LVRN: variants seen among roughly 807,000 people sequenced by gnomAD.
The protein encoded by LVRN is aminopeptidase Q.
In LVRN, 99 loss-of-function variants were observed where a neutral mutation model predicts 111.4. That is an observed-to-expected ratio of 0.89 (90% CI 0.76 to 1.05). LVRN has a LOEUF of 1.05. LVRN is among the 50% of genes least tolerant of loss of function. The probability of loss-of-function intolerance (pLI) is 0.00; values close to 1 mark genes in which losing one functional copy is unlikely to be tolerated. For synonymous variants in LVRN, 488 were observed against 449.5 expected, an observed-to-expected ratio of 1.09 and a Z score of -1.08; for missense variants, 1,414 against 1,206.8, an observed-to-expected ratio of 1.17 and a Z score of -2.54.
chr5:116,021,903 C>T (rs1334266796), intron 18 of LVRN, among the ~76,000 whole-genome samples: 1 of 152,084 alleles, frequency 6.6e-6, no homozygotes. Flanking sequence ...GCTCAGCCTT[C>T]AGGGTCACCA....
At chr5:115,968,861 C>CAATT (rs1753259448) in intron 1 of LVRN, among the ~76,000 whole-genome samples, 1 of 152,136 alleles carries the variant, frequency 6.6e-6, no homozygotes, top group African/African-American at 2.4e-5. Context: ...CTGGGATATG[C>CAATT]AATTAAACAA....
chr5:116,011,645 T>C (rs1748491419), intron 14 of LVRN, among the ~76,000 whole-genome samples: 1 of 152,184 alleles, frequency 6.6e-6, no homozygotes. Flanking sequence ...GACTTTCTTT[T>C]TCCTAGTGGC....
chr5:115,998,741 G>A (rs1365684738), intron 6 of LVRN, among the ~76,000 whole-genome samples: 1 of 152,128 alleles, frequency 6.6e-6, no homozygotes, highest in East Asian at 1.9e-4. Flanking sequence ...CAAACCAACT[G>A]AATCAGAACA....
In LVRN at chr5:116,026,015, A is replaced by G; in HGVS notation, c.2870A>G (p.Gln957Arg). ...QFFSNMLEEH[Q>R]RIRVHANLQT... ...TTCAGTAACATGTTGGAGGAACACC[A>G]GAGGATCAGAGTTCATGCCAACTTA... is the stretch of plus-strand genomic sequence containing the variant. Residue 957 changes from glutamine (Q) to arginine (R), a missense_variant, in exon 20 of 20, where the codon CAG becomes CGG. Coordinates refer to ENST00000357872, the MANE Select transcript of LVRN (RefSeq NM_173800.5). The G allele has an allele frequency of 6.2e-7, 1 of 1,613,918 alleles. No individual in the cohort carries two copies. The highest frequency in any genetic ancestry group is 8.5e-7 in the Non-Finnish European group (1 of 1,179,870).
chr5:115,996,901 G>A (rs142123177), intron 6 of LVRN, among the ~76,000 whole-genome samples: 1 of 152,214 alleles, frequency 6.6e-6, no homozygotes, highest in African/African-American at 2.4e-5. Context: ...TTGTAAAATG[G>A]GTTCTTGCAG....
chr5:115,984,907 T>C (rs1747819251), intron 3 of LVRN, among the ~76,000 whole-genome samples, 198 bp downstream of exon 3: 1 of 152,202 alleles, frequency 6.6e-6, no homozygotes. Context: ...TGGATAGGTT[T>C]TCACGGAAAG....
At chr5:116,003,909 T>C (rs1336524132) in intron 12 of LVRN, among the ~76,000 whole-genome samples, 2 of 152,210 alleles carry the variant, frequency 1.3e-5, no homozygotes, top group African/African-American at 4.8e-5. Context: ...ACATTCATTT[T>C]GCTTTTCCAA....
rs1390788931 is a variant in LVRN, at chr5:115,999,841, A to C, written c.1454A>C (p.Lys485Thr). 3.7e-6 allele frequency: 6 copies of C among 1,613,620 alleles called. No homozygotes were observed. Among genetic ancestry groups the C allele is most frequent in the Non-Finnish European group, 5.1e-6 (6 of 1,179,820 alleles). The change falls in exon 7 of 20, where the codon AAG (lysine) becomes ACG (threonine). Residue 485 changes from lysine (K) to threonine (T), a missense_variant. Coordinates refer to ENST00000357872, the MANE Select transcript of LVRN (RefSeq NM_173800.5). ...CTGGTGACTAGAGCTGTGGCCATGA[A>C]GGTGGAAAATTTCAAAACAAGTGAA... ...HALVTRAVAM[K>T]VENFKTSEIQ... is the part of the protein sequence containing the mutation.
intron 1 of LVRN, among the ~76,000 whole-genome samples, chr5:115,978,892 G>T (rs866578276): frequency 6.6e-6 from 1 of 152,172 alleles, no homozygotes; most frequent in South Asian, 2.1e-4. Context: ...TCTCATTCTG[G>T]TCTTACAGAT....
intron 1 of LVRN, among the ~76,000 whole-genome samples, chr5:115,980,409 G>A (rs1043605240): frequency 6.6e-6 from 1 of 151,950 alleles, no homozygotes; most frequent in East Asian, 1.9e-4. Flanking sequence ...TGGTTTGTTT[G>A]CATAAAACTA....
At chr5:115,976,304 G>A (rs1205897748) in intron 1 of LVRN, 3 of 152,214 alleles carry the variant, frequency 2.0e-5, no homozygotes, top group Non-Finnish European at 4.4e-5. Flanking sequence ...GAGAGTAAGT[G>A]CATCTGACCA....
chr5:116,026,097 G>T lies in LVRN; in HGVS notation c.2952G>T (p.Ala984=). ...KNKKLSARIA[A]WLRRNT ...AGAAGCTAAGTGCCAGGATAGCTGC[G>T]TGGCTAAGGAGAAACACATAGCTTG... Residue 984 remains alanine, a synonymous_variant, in exon 20 of 20, where the codon GCG becomes GCT. Coordinates refer to ENST00000357872, the MANE Select transcript of LVRN (RefSeq NM_173800.5). 6.2e-7 allele frequency: 1 copy of T among 1,613,798 alleles called. No homozygotes were observed. Among genetic ancestry groups the T allele is most frequent in the Non-Finnish European group, 8.5e-7 (1 of 1,179,808 alleles).
chr5:115,971,957 GGT>G (rs201491949), intron 1 of LVRN, among the ~76,000 whole-genome samples: 1,446 of 54,226 alleles, frequency 0.027, 24 homozygotes, highest in African/African-American at 0.068. Flanking sequence ...CCATAAACAT[GGT>G]ATATATCTCT....
At chr5:115,980,650 C>A (rs1464051308) in intron 1 of LVRN, among the ~76,000 whole-genome samples, 1 of 152,094 alleles carries the variant, frequency 6.6e-6, no homozygotes. Context: ...ACCTTGCAGT[C>A]TCTTTGAGAT....
chr5:116,009,711 G>A (rs527412631), intron 13 of LVRN, among the ~76,000 whole-genome samples: 1 of 152,318 alleles, frequency 6.6e-6, no homozygotes, highest in Non-Finnish European at 1.5e-5. Flanking sequence ...AATTAGAAGT[G>A]AAGCCTGAAG....
At chr5:116,000,983 C>T (rs1748224747) in intron 9 of LVRN, 84 bp from the exon 10 acceptor site, 7 of 1,437,112 alleles carry the variant, frequency 4.9e-6, no homozygotes, top group African/African-American at 1.4e-5. Context: ...AAGAGAATAG[C>T]TACCGAGTTT....
intron 6 of LVRN, among the ~76,000 whole-genome samples, chr5:115,994,704 A>G (rs1380146729): frequency 6.6e-6 from 1 of 152,242 alleles, no homozygotes; most frequent in African/African-American, 2.4e-5. Context: ...ATTGAAAGAT[A>G]AATACATCAA....
At chr5:115,994,552 C>T (rs1173033026) in intron 6 of LVRN, among the ~76,000 whole-genome samples, 3 of 152,150 alleles carry the variant, frequency 2.0e-5, no homozygotes, top group Admixed American at 6.5e-5. Context: ...GGATTACAGG[C>T]GTGAGCTACC....
chr5:115,970,435 T>C (rs1026175311), intron 1 of LVRN, among the ~76,000 whole-genome samples: 2 of 148,746 alleles, frequency 1.3e-5, no homozygotes, highest in African/African-American at 5.0e-5. Flanking sequence ...CAGGCTGGAG[T>C]ACAGTGACAC....
Sources: gnomAD v4.1 joint callset for allele counts (sites outside exome capture counted in the v4.1 genomes callset) on GRCh38, gnomAD v4.1.1 for gene constraint, MANE v1.5 for transcripts, NCBI Gene and HGNC (gene_info 2026-07-23, HGNC 2026-07-21) for gene names.